The following GPD1L variants were observed in gnomAD, a reference collection of about 807,000 sequenced individuals.
The protein encoded by GPD1L is glycerol-3-phosphate dehydrogenase 1 like, also known as glycerol-3-phosphate dehydrogenase 1-like protein.
A neutral mutation model predicts 32.9 loss-of-function variants in GPD1L; 17 were observed. The observed-to-expected ratio is 0.52, with a 90% confidence interval of 0.35 to 0.78. GPD1L has a LOEUF of 0.78. Ranked by LOEUF, GPD1L falls within the 30% of genes least tolerant of loss-of-function variation. The probability of loss-of-function intolerance (pLI) is 0.01; values close to 1 mark genes in which losing one functional copy is unlikely to be tolerated. For synonymous variants in GPD1L, 187 were observed against 165.9 expected (o/e 1.13, Z -0.98); for missense variants, 361 against 447.8 (o/e 0.81, Z 1.75).
rs558177952 is a variant in GPD1L at position 32,122,602 on chromosome 3, G to A, written c.48-5474G>A. 3.3e-5 allele frequency among the ~76,000 whole-genome samples: 5 copies of A among 152,276 alleles called. No individual in the cohort carries two copies. The East Asian group carries it at 7.7e-4, about 24-fold the overall frequency. ...TACATCTATGTAAAGACCCAGGACT[G>A]GCCATCAGCAGACCTGAGTCCTCCA... On this transcript the variant is annotated intron_variant, in intron 1 of 7. Coordinates refer to ENST00000282541, the MANE Select transcript of GPD1L (RefSeq NM_015141.4).
chr3:32,114,530 T>C (rs942668102), intron 1 of GPD1L, among the ~76,000 whole-genome samples: 6 of 152,232 alleles, frequency 3.9e-5, no homozygotes, highest in African/African-American at 1.4e-4. Context: ...AATGTTACTA[T>C]GGGTGATTAA....
intron 1 of GPD1L, among the ~76,000 whole-genome samples, chr3:32,127,788 C>T (rs1349255302): frequency 6.6e-6 from 1 of 152,184 alleles, no homozygotes; most frequent in African/African-American, 2.4e-5. Flanking sequence ...GTGGATTTCT[C>T]TTCTGCCTGT....
In GPD1L at chr3:32,146,663, C is replaced by T; in HGVS notation, c.547C>T (p.Leu183=). ...MENGLLFKEL[L]QTPNFRITVV... is the part of the protein sequence containing the mutation. ...GAACGGCCTTCTCTTCAAAGAACTT[C>T]TGCAGACTCCAAATTTTCGAATTAC... Residue 183 remains leucine, a synonymous_variant, in exon 5 of 8, where the codon CTG becomes TTG. Coordinates refer to ENST00000282541, the MANE Select transcript of GPD1L (RefSeq NM_015141.4). 1 of 1,613,610 alleles carries T rather than the reference C, an allele frequency of 6.2e-7. No individual in the cohort carries two copies. The highest frequency in any genetic ancestry group is 8.5e-7 in the Non-Finnish European group (1 of 1,179,522).
In GPD1L at chr3:32,137,481, A is replaced by G. The variant is rs74617379; in HGVS notation, c.226-1106A>G. On this transcript the variant is annotated intron_variant, in intron 2 of 7. Coordinates refer to ENST00000282541, the MANE Select transcript of GPD1L (RefSeq NM_015141.4). ...GCAAAAGGAAGGAGAAGGACCTTCC[A>G]GGACATTTTCTAGAAGTCACAGGCA... 5.9e-3 allele frequency among the ~76,000 whole-genome samples: 892 copies of G among 152,318 alleles called. 11 individuals carry two copies. The highest frequency in any genetic ancestry group is 0.02 in the African/African-American group (819 of 41,550).
At chr3:32,142,268 G>A (rs1002157084) in intron 4 of GPD1L, among the ~76,000 whole-genome samples, 8 of 151,904 alleles carry the variant, frequency 5.3e-5, no homozygotes, top group South Asian at 2.1e-4. Flanking sequence ...ACAGGCATGC[G>A]CCACCACGCC....
intron 4 of GPD1L, among the ~76,000 whole-genome samples, chr3:32,144,107 A>G (rs1286086667): frequency 6.6e-6 from 1 of 152,210 alleles, no homozygotes; most frequent in Non-Finnish European, 1.5e-5. Context: ...TATGTTAGAT[A>G]ATAATATTAT....
chr3:32,118,760 C>T (rs758256404), intron 1 of GPD1L, among the ~76,000 whole-genome samples: 9 of 151,922 alleles, frequency 5.9e-5, no homozygotes, highest in East Asian at 1.9e-4. Context: ...ATTCATTAAA[C>T]GACAGTTCCT....
chr3:32,128,270 A>G lies in GPD1L; in HGVS notation c.225+17A>G. 6.2e-7 allele frequency: 1 copy of G among 1,605,402 alleles called. No individual in the cohort carries two copies. The highest frequency in any genetic ancestry group is 8.5e-7 in the Non-Finnish European group (1 of 1,172,258). On this transcript the variant is annotated intron_variant, in intron 2 of 7. Coordinates refer to ENST00000282541, the MANE Select transcript of GPD1L (RefSeq NM_015141.4). Reference sequence around the variant, plus strand: ...GAAAATGTGGTAAGACTTTGGGGTGAAATGTACATTGGTTCATTCTGCAAG... The same window carrying G: ...GAAAATGTGGTAAGACTTTGGGGTGGAATGTACATTGGTTCATTCTGCAAG...
At chr3:32,163,161 CTTTTTTT>C (rs34385950) in intron 7 of GPD1L, among the ~76,000 whole-genome samples, 1 of 78,030 alleles carries the variant, frequency 1.3e-5, no homozygotes. Context: ...CTGGTTTGTC[CTTTTTTT>C]TTTTTTTTTT....
In GPD1L at chr3:32,167,718, G is replaced by GTAACTTAA. The variant is rs1436537127; in HGVS notation, c.*1808_*1809insTAACTTAA. The stretch of plus-strand genomic sequence containing the variant: ...TCCTAGAATTTAAGTTACTTTGTGA[G>GTAACTTAA]ATTTGGGCCTGTCCCTCAATGCCAG... On this transcript the variant is annotated 3_prime_UTR_variant, in exon 8 of 8. Transcript: ENST00000282541. 3 of 152,584 alleles carry GTAACTTAA rather than the reference G, an allele frequency of 2.0e-5. No individual in the cohort carries two copies. Among genetic ancestry groups the GTAACTTAA allele is most frequent in the Non-Finnish European group, 2.9e-5 (2 of 68,034 alleles). The allele number at this position is 152,584 out of a possible 1,614,324, so 9.5% of individuals were successfully genotyped here.
chr3:32,127,674 T>G (rs1028799155), intron 1 of GPD1L, among the ~76,000 whole-genome samples: 27 of 152,246 alleles, frequency 1.8e-4, no homozygotes, highest in Admixed American at 1.1e-3. Context: ...TCCTTTGTGA[T>G]TCTGCTTTGC....
intron 5 of GPD1L, chr3:32,151,461 G>A (rs150039698): frequency 9.8e-5 from 44 of 450,280 alleles, no homozygotes; most frequent in African/African-American, 6.8e-4. Flanking sequence ...TTTAAAAAAA[G>A]GTTTTTTAGC....
rs1271929810 is a variant in GPD1L at position 32,121,519 on chromosome 3, C to CTA, written c.48-6556_48-6555insAT. ...TATATTTCTCTCTATATATATTTCT[C>CTA]TCTATATATATTTCTATGTATATAT... is the stretch of plus-strand genomic sequence containing the variant. On this transcript the variant is annotated intron_variant, in intron 1 of 7. Coordinates refer to ENST00000282541, the MANE Select transcript of GPD1L (RefSeq NM_015141.4). Among the ~76,000 whole-genome samples the CTA allele has an allele frequency of 4.9e-5, 2 of 40,714 alleles. 1 individual carries two copies. Among genetic ancestry groups the CTA allele is most frequent in the East Asian group, 7.8e-4 (2 of 2,558 alleles). The allele number at this position is 40,714 out of a possible 152,430, so 26.7% of individuals were successfully genotyped here. A position where few individuals can be genotyped will look rare whatever the true frequency, so the allele number is the denominator to read the frequency against.
At chr3:32,153,419 G>A (rs528342363) in intron 5 of GPD1L, among the ~76,000 whole-genome samples, 1 of 152,276 alleles carries the variant, frequency 6.6e-6, no homozygotes, top group Non-Finnish European at 1.5e-5. Flanking sequence ...TACTGTATTC[G>A]ATAGAGCAAA....
intron 5 of GPD1L, among the ~76,000 whole-genome samples, chr3:32,155,110 C>A (rs1365765762): frequency 6.6e-6 from 1 of 152,174 alleles, no homozygotes; most frequent in Non-Finnish European, 1.5e-5. Context: ...TGCAAAGGGT[C>A]AGGCAGGTCT....
chr3:32,145,143 AC>A, intron 4 of GPD1L, among the ~76,000 whole-genome samples: 1 of 151,846 alleles, frequency 6.6e-6, no homozygotes, highest in Admixed American at 6.5e-5. Context: ...ACATGGCGAA[AC>A]CCCATCTTTA....
At chr3:32,125,274 A>G (rs572268918) in intron 1 of GPD1L, among the ~76,000 whole-genome samples, 1 of 152,310 alleles carries the variant, frequency 6.6e-6, no homozygotes, top group African/African-American at 2.4e-5. Context: ...TTATGCATCT[A>G]TCAGCTTTTG....
intron 2 of GPD1L, among the ~76,000 whole-genome samples, chr3:32,133,030 G>A (rs1700608744): frequency 6.6e-6 from 1 of 152,172 alleles, no homozygotes; most frequent in Admixed American, 6.5e-5. Flanking sequence ...CCTCTACTAT[G>A]TCCCAAGTAT....
intron 1 of GPD1L, among the ~76,000 whole-genome samples, chr3:32,111,624 G>A (rs1404818118): frequency 1.3e-5 from 2 of 152,146 alleles, no homozygotes; most frequent in African/African-American, 4.8e-5. Flanking sequence ...TAGAGAGGCA[G>A]AGGATAGGAG....
Sources: allele counts gnomAD v4.1 joint callset (sites outside exome capture counted in the v4.1 genomes callset), GRCh38; gene constraint gnomAD v4.1.1; transcripts MANE v1.5; gene names NCBI Gene and HGNC (gene_info 2026-07-23, HGNC 2026-07-21).